The following SEPTIN11 variants were observed in gnomAD, a reference collection of about 807,000 sequenced individuals.
The protein encoded by SEPTIN11 is septin-11.
A neutral mutation model predicts 51.4 loss-of-function variants in SEPTIN11; 25 were observed. The observed-to-expected ratio is 0.49, with a 90% CI of 0.35 to 0.68. The LOEUF (loss-of-function observed/expected upper bound fraction) is 0.68, where lower values mean the gene tolerates loss of function less well. Among genes scored for constraint, SEPTIN11 ranks in the 30% least tolerant of loss-of-function variants. The pLI is 0.00. For synonymous variants in SEPTIN11, 174 were observed against 184.1 expected (o/e 0.95, Z 0.44); for missense variants, 381 against 520.8 (o/e 0.73, Z 2.61).
chr4:76,959,129 G>C, intron 1 of SEPTIN11: 3 of 597,436 alleles, frequency 5.0e-6, no homozygotes, highest in South Asian at 1.5e-5. Flanking sequence ...GGTGTCCAAG[G>C]CTTCCTGAAA....
At chr4:76,983,268 CAG>C (rs1469114094) in intron 1 of SEPTIN11, among the ~76,000 whole-genome samples, 3 of 152,196 alleles carry the variant, frequency 2.0e-5, no homozygotes, top group African/African-American at 7.2e-5. Context: ...GAGAGGGACA[CAG>C]GGAGATTTTT....
intron 1 of SEPTIN11, among the ~76,000 whole-genome samples, chr4:76,955,451 G>A (rs929970764): frequency 3.3e-5 from 5 of 152,206 alleles, no homozygotes; most frequent in Admixed American, 1.3e-4. Context: ...TAGCAGGAAC[G>A]TCAGCCTTAG....
Position 76,959,180 on chromosome 4 carries a change from G to A in SEPTIN11, c.27+9250G>A. The A allele has an allele frequency of 1.1e-5, 5 of 435,468 alleles. No homozygotes were observed. In the Admixed American group the frequency reaches 1.5e-4, roughly 13 times the overall value. The allele number at this position is 435,468 out of a possible 1,614,324, so 27.0% of individuals were successfully genotyped here. A position where few individuals can be genotyped will look rare whatever the true frequency, so the allele number is the denominator to read the frequency against. On this transcript the variant is annotated intron_variant, in intron 1 of 9. Coordinates refer to ENST00000264893, the MANE Select transcript of SEPTIN11 (RefSeq NM_018243.4). ...GATCGTTTTACCATTCTTGGCTGCT[G>A]GGGTCTGATGAGCAACTGTAACGAC...
intron 1 of SEPTIN11, among the ~76,000 whole-genome samples, chr4:76,989,883 G>A (rs761334815): frequency 2.0e-5 from 3 of 152,212 alleles, no homozygotes; most frequent in Non-Finnish European, 4.4e-5. Context: ...TGTATCTGGA[G>A]TTTGTTCCTG....
chr4:76,963,755 G>A (rs1233778614), intron 1 of SEPTIN11, among the ~76,000 whole-genome samples: 3 of 152,152 alleles, frequency 2.0e-5, no homozygotes, highest in Non-Finnish European at 4.4e-5. Flanking sequence ...TAGTCTAGAA[G>A]TATTTATAGT....
Position 77,035,631 on chromosome 4 carries a change from T to G in SEPTIN11, c.*1119T>G, listed in dbSNP as rs954146869. The G allele has an allele frequency of 1.0e-6, 1 of 985,446 alleles. No individual in the cohort carries two copies. Among genetic ancestry groups the G allele is most frequent in the African/African-American group, 1.7e-5 (1 of 57,234 alleles). 61.0% of individuals were successfully genotyped at this position (985,446 alleles called of 1,614,324 possible). ...TTCCTTGCTTAGTCTCCTTTCAGTATTTGGCAATAAAAGAAAGAAGAAATA... is the reference window on the plus strand; with the variant it reads ...TTCCTTGCTTAGTCTCCTTTCAGTAGTTGGCAATAAAAGAAAGAAGAAATA... On this transcript the variant is annotated 3_prime_UTR_variant, in exon 10 of 10. Coordinates refer to ENST00000264893, the MANE Select transcript of SEPTIN11 (RefSeq NM_018243.4).
chr4:76,987,823 T>C (rs967508877), intron 1 of SEPTIN11: 2 of 981,142 alleles, frequency 2.0e-6, no homozygotes, highest in Admixed American at 1.2e-4. Context: ...GAGGCGTCTG[T>C]ACTACTGAAA....
rs188961215 is a variant in SEPTIN11, at chr4:77,026,014, G to T, written c.954-2615G>T. Reference sequence around the variant, plus strand: ...TGGACTGCAGGTTTCACTATAAAAAGCATTTTCCATCATGATCCAGCATAC... The same window carrying T: ...TGGACTGCAGGTTTCACTATAAAAATCATTTTCCATCATGATCCAGCATAC... On this transcript the variant is annotated intron_variant, in intron 7 of 9. Transcript: ENST00000264893. 3.3e-5 allele frequency among the ~76,000 whole-genome samples: 5 copies of T among 152,232 alleles called. No homozygotes were observed. The East Asian group carries it at 9.7e-4, about 29-fold the overall frequency.
chr4:77,020,485 T>TC lies in SEPTIN11; in HGVS notation c.785-11dup, dbSNP rs748849598. ...CATTGCTAATCCCACTTCCGCCATT[T>TC]CCCCCCTCTCTTGTAGTTGAGAATG... On this transcript the variant is annotated splice_polypyrimidine_tract_variant and intron_variant, in intron 6 of 9. Coordinates refer to ENST00000264893, the MANE Select transcript of SEPTIN11 (RefSeq NM_018243.4). 6.2e-7 allele frequency: 1 copy of TC among 1,612,008 alleles called. No individual in the cohort carries two copies. The highest frequency in any genetic ancestry group is 8.5e-7 in the Non-Finnish European group (1 of 1,179,056).
intron 1 of SEPTIN11, among the ~76,000 whole-genome samples, chr4:76,950,304 C>T (rs1360079744): frequency 1.3e-5 from 2 of 152,218 alleles, no homozygotes; most frequent in Non-Finnish European, 2.9e-5. Flanking sequence ...TTCCTCCAGT[C>T]TCCCCCGCGC....
In SEPTIN11 at chr4:76,949,872, C is replaced by T. The variant is rs761211301; in HGVS notation, c.-32C>T. ...GCAGCCGGAGTCGGCGTAAAGCACC[C>T]GGGCGCAGCCGGAGCCGGTGCCGCA... On this transcript the variant is annotated 5_prime_UTR_variant, in exon 1 of 10. Transcript: ENST00000264893. 2.0e-6 allele frequency: 3 copies of T among 1,514,204 alleles called. No individual in the cohort carries two copies. The East Asian group carries it at 8.1e-5, about 41-fold the overall frequency. The allele number at this position is 1,514,204 out of a possible 1,614,324, so 93.8% of individuals were successfully genotyped here.
intron 1 of SEPTIN11, among the ~76,000 whole-genome samples, chr4:76,950,933 T>C (rs1022971434): frequency 6.6e-6 from 1 of 152,180 alleles, no homozygotes; most frequent in Non-Finnish European, 1.5e-5. Flanking sequence ...ATGTTCACAG[T>C]CCACTCGCCT....
At chr4:77,023,282 ACACACAC>A (rs1725858445) in intron 7 of SEPTIN11, among the ~76,000 whole-genome samples, 2 of 147,704 alleles carry the variant, frequency 1.4e-5, no homozygotes, top group Non-Finnish European at 1.5e-5. Context: ...ACACACACAC[ACACACAC>A]ACACACACAC....
chr4:76,981,949 C>T (rs1722791783), intron 1 of SEPTIN11, among the ~76,000 whole-genome samples: 1 of 152,154 alleles, frequency 6.6e-6, no homozygotes, highest in Non-Finnish European at 1.5e-5. Context: ...CGTGGCTGCT[C>T]AGTGATTGTT....
At chr4:76,995,071 T>A (rs1442887395) in intron 1 of SEPTIN11, among the ~76,000 whole-genome samples, 1 of 137,602 alleles carries the variant, frequency 7.3e-6, no homozygotes, top group Non-Finnish European at 1.6e-5. Flanking sequence ...TGAGTGACAG[T>A]GCAACCCTGT....
intron 1 of SEPTIN11, among the ~76,000 whole-genome samples, chr4:76,974,204 A>C (rs1206523146): frequency 6.6e-6 from 1 of 152,152 alleles, no homozygotes; most frequent in Non-Finnish European, 1.5e-5. Context: ...TGAAATTGGG[A>C]CAAAAACATC....
intron 1 of SEPTIN11, among the ~76,000 whole-genome samples, chr4:76,951,781 G>A (rs1721359893): frequency 6.6e-6 from 1 of 152,156 alleles, no homozygotes; most frequent in Non-Finnish European, 1.5e-5. Flanking sequence ...AACAGTATGT[G>A]GATTTAAGGT....
At chr4:76,982,662 ATTTT>A (rs1380610653) in intron 1 of SEPTIN11, among the ~76,000 whole-genome samples, 1 of 152,160 alleles carries the variant, frequency 6.6e-6, no homozygotes, top group African/African-American at 2.4e-5. Context: ...ATCATCTTCC[ATTTT>A]ACCTCAATAA....
intron 7 of SEPTIN11, 99 bp downstream of exon 7, chr4:77,020,769 G>C: frequency 8.8e-7 from 1 of 1,130,126 alleles, no homozygotes; most frequent in Non-Finnish European, 1.3e-6. Context: ...TGGTGATGAT[G>C]GAAGGATCTG....
Sources: allele counts gnomAD v4.1 joint callset (sites outside exome capture counted in the v4.1 genomes callset), GRCh38; gene constraint gnomAD v4.1.1; transcripts MANE v1.5; gene names NCBI Gene and HGNC (gene_info 2026-07-23, HGNC 2026-07-21).